ZNF718: variants seen among roughly 807,000 people sequenced by gnomAD.
ZNF718 encodes the protein zinc finger protein 718.
Under a neutral mutation model 2.6 loss-of-function variants are expected in ZNF718, and 3 were observed. That is an observed-to-expected ratio of 1.16 (90% CI 0.53 to 3.01). The LOEUF is 3.01. Among genes scored for constraint, ZNF718 ranks in the 30% most tolerant of loss-of-function variants. ZNF718 has a pLI of 0.03. For synonymous variants in ZNF718, 135 were observed against 77.9 expected (o/e 1.73, Z -3.86); for missense variants, 468 against 230.0 (o/e 2.03, Z -6.69).
intron 3 of ZNF718, among the ~76,000 whole-genome samples, chr4:156,723 T>A (rs1006054790): frequency 6.6e-6 from 1 of 152,208 alleles, no homozygotes; most frequent in Non-Finnish European, 1.5e-5. Flanking sequence ...TTTCTGTCTC[T>A]TTGTGGCTGA....
rs1280682274 is a variant in ZNF718 at position 131,416 on chromosome 4, G to C, written c.137G>C (p.Ser46Thr). ...NYRNLVSLGV[S>T]ISNPDLVTSL... ...TTTTTTTTTAATAAAACAGGTGTTA[G>C]TATCTCTAACCCAGACCTGGTCACC... The change falls in exon 3 of 4, where the codon AGT becomes ACT. Residue 46 changes from serine (S) to threonine (T), a missense_variant. By Grantham distance (58) the Ser-to-Thr change is moderately conservative (BLOSUM62 1). Transcript: ENST00000510175. The C allele has an allele frequency of 0.51, 244,674 of 483,228 alleles. 98,210 individuals carry two copies. Among genetic ancestry groups the C allele is most frequent in the East Asian group, 0.93 (12,122 of 13,090 alleles). The allele number at this position is 483,228 out of a possible 1,614,324, so 29.9% of individuals were successfully genotyped here.
At position 162,810 on chromosome 4, in the gene ZNF718, A is replaced by C. The variant is rs782583869; in HGVS notation, c.*688A>C. 1.6e-4 allele frequency: 25 copies of C among 152,232 alleles called. No individual in the cohort carries two copies. Among genetic ancestry groups the C allele is most frequent in the Non-Finnish European group, 2.4e-4 (16 of 68,038 alleles). The allele number at this position is 152,232 out of a possible 1,614,324, so 9.4% of individuals were successfully genotyped here. On this transcript the variant is annotated 3_prime_UTR_variant, in exon 4 of 4. Transcript: ENST00000510175. ...AGCTTAAAAAAAACCAGTTTATACT[A>C]GAAGATATTTTGTAGATGCGGTAAG...
At chr4:172,586 T>C (rs991289080) in intron 3 of ZNF718, among the ~76,000 whole-genome samples, 15 of 152,156 alleles carry the variant, frequency 9.9e-5, no homozygotes, top group African/African-American at 3.6e-4. Context: ...CTTGGTCACA[T>C]TGCAAAACCA....
At chr4:179,674 G>GTTTTATCT (rs1218735116) in intron 3 of ZNF718, among the ~76,000 whole-genome samples, 7 of 152,148 alleles carry the variant, frequency 4.6e-5, no homozygotes, top group African/African-American at 1.7e-4. Context: ...ATCTCCAGCT[G>GTTTTATCT]TTTTATCTTT....
chr4:142,372 A>G (rs555001492), intron 3 of ZNF718, among the ~76,000 whole-genome samples: 82 of 152,346 alleles, frequency 5.4e-4, no homozygotes, highest in African/African-American at 1.9e-3. Flanking sequence ...TTATATATGG[A>G]TAAGCTTATA....
chr4:200,800 A>AT, intron 3 of ZNF718, among the ~76,000 whole-genome samples: 1 of 152,216 alleles, frequency 6.6e-6, no homozygotes, highest in East Asian at 1.9e-4. Context: ...AGGAAAGGCT[A>AT]TTAACAACAG....
At chr4:147,932 C>T (rs1371118223) in intron 3 of ZNF718, among the ~76,000 whole-genome samples, 1 of 152,114 alleles carries the variant, frequency 6.6e-6, no homozygotes. Flanking sequence ...TGGTGTGACT[C>T]CTGTGAGGCT....
chr4:126,889 C>G (rs563544565), intron 1 of ZNF718, among the ~76,000 whole-genome samples: 1 of 150,188 alleles, frequency 6.7e-6, no homozygotes, highest in Non-Finnish European at 1.5e-5. Context: ...TGCAGTAGTG[C>G]GATCTCGGCT....
downstream of ZNF718, among the ~76,000 whole-genome samples, chr4:166,017 C>T (rs1183223247): frequency 1.3e-5 from 2 of 152,158 alleles, no homozygotes. Flanking sequence ...AACCCCACAG[C>T]AGGCCCCAGT....
intron 3 of ZNF718, among the ~76,000 whole-genome samples, chr4:194,329 T>G (rs1717750660): frequency 6.6e-6 from 1 of 152,220 alleles, no homozygotes; most frequent in Admixed American, 6.5e-5. Flanking sequence ...TTTCCCTGTG[T>G]TACAGTGGAC....
chr4:200,239 GT>G (rs782379497), intron 3 of ZNF718, among the ~76,000 whole-genome samples: 3 of 150,576 alleles, frequency 2.0e-5, no homozygotes, highest in African/African-American at 4.9e-5. Context: ...GAAGGAGGAG[GT>G]TTTTTTTTTT....
At chr4:177,948 T>C (rs1382064988) in intron 3 of ZNF718, among the ~76,000 whole-genome samples, 8 of 151,840 alleles carry the variant, frequency 5.3e-5, no homozygotes, top group African/African-American at 1.7e-4. Context: ...ACCCGAAACA[T>C]GTATGCTAAA....
intron 3 of ZNF718, among the ~76,000 whole-genome samples, chr4:132,131 A>T: frequency 1.6e-5 from 1 of 63,058 alleles, no homozygotes; most frequent in Non-Finnish European, 3.3e-5. Context: ...AGCGAGATTC[A>T]GTCTCAAAAA....
At chr4:169,569 T>C (rs954887335) in intron 3 of ZNF718, among the ~76,000 whole-genome samples, 3 of 152,184 alleles carry the variant, frequency 2.0e-5, no homozygotes, top group Non-Finnish European at 4.4e-5. Context: ...GGATAGTTAG[T>C]TATTCTTGTT....
intron 3 of ZNF718, among the ~76,000 whole-genome samples, chr4:188,300 T>G (rs1218498407): frequency 1.3e-5 from 2 of 152,212 alleles, no homozygotes; most frequent in African/African-American, 4.8e-5. Context: ...AAAACAGCTG[T>G]GCTGTGCTGT....
rs140300438 is a variant in ZNF718 at position 163,686 on chromosome 4, C to A, written c.*1564C>A. 1 of 151,958 alleles carries A rather than the reference C, an allele frequency of 6.6e-6. No individual in the cohort carries two copies. Among genetic ancestry groups the A allele is most frequent in the African/African-American group, 2.4e-5 (1 of 41,352 alleles). 9.4% of individuals were successfully genotyped at this position (151,958 alleles called of 1,614,324 possible). A position where few individuals can be genotyped will look rare whatever the true frequency, so the allele number is the denominator to read the frequency against. ...ATAAAATACAGTAAATTTTAAAATT[C>A]TCTTTTAAGATTGTGTGTGAACCTT... On this transcript the variant is annotated 3_prime_UTR_variant, in exon 4 of 4. Coordinates refer to ENST00000510175, the MANE Select transcript of ZNF718 (RefSeq NM_001039127.6).
chr4:160,874 T>C (rs550350153), intron 3 of ZNF718, 38 bp from the exon 4 acceptor site: 53 of 720,338 alleles, frequency 7.4e-5, no homozygotes, highest in Admixed American at 4.8e-4. Context: ...TATATGAATC[T>C]AGTAAGTGGG....
At chr4:176,701 T>C (rs1553819126) in intron 3 of ZNF718, among the ~76,000 whole-genome samples, 1 of 152,196 alleles carries the variant, frequency 6.6e-6, no homozygotes, top group Non-Finnish European at 1.5e-5. Context: ...CAAGCCAGTA[T>C]GAATTATGCA....
At chr4:187,510 C>T (rs1350154892) in intron 3 of ZNF718, among the ~76,000 whole-genome samples, 1 of 152,190 alleles carries the variant, frequency 6.6e-6, no homozygotes, top group African/African-American at 2.4e-5. Flanking sequence ...CAGGCATGAG[C>T]CATGTGAGCC....
Sources: gnomAD v4.1 joint callset for allele counts (sites outside exome capture counted in the v4.1 genomes callset) on GRCh38, gnomAD v4.1.1 for gene constraint, MANE v1.5 for transcripts, NCBI Gene and HGNC (gene_info 2026-07-23, HGNC 2026-07-21) for gene names.